The following PTPRA variants were observed in gnomAD, a reference collection of about 807,000 sequenced individuals.
The protein encoded by PTPRA is protein tyrosine phosphatase receptor type A.
Under a neutral mutation model 104.8 loss-of-function variants are expected in PTPRA, and 25 were observed. That is an observed-to-expected ratio of 0.24 (90% CI 0.17 to 0.33). The LOEUF is 0.33. Ranked by LOEUF, PTPRA falls within the 10% of genes least tolerant of loss-of-function variation. PTPRA has a pLI of 1.00. For synonymous variants in PTPRA, 323 were observed against 368.9 expected, an observed-to-expected ratio of 0.88 and a Z score of 1.43; for missense variants, 765 against 1,015.3, an observed-to-expected ratio of 0.75 and a Z score of 3.35.
chr20:2,917,862 G>A (rs959971617), intron 1 of PTPRA, among the ~76,000 whole-genome samples: 1 of 151,784 alleles, frequency 6.6e-6, no homozygotes, highest in Non-Finnish European at 1.5e-5. Context: ...AGACCGAGGC[G>A]GGTGGATCTC....
intron 5 of PTPRA, among the ~76,000 whole-genome samples, chr20:2,972,199 C>A (rs1159302242): frequency 6.6e-6 from 1 of 152,010 alleles, no homozygotes; most frequent in African/African-American, 2.4e-5. Context: ...CTTAATTTTT[C>A]TTTTCTGTTG....
At chr20:2,951,256 C>A (rs1478105621) in intron 3 of PTPRA, among the ~76,000 whole-genome samples, 1 of 152,118 alleles carries the variant, frequency 6.6e-6, no homozygotes, top group Non-Finnish European at 1.5e-5. Flanking sequence ...TGCCCGCCAC[C>A]ACGCCCAGCT....
intron 1 of PTPRA, among the ~76,000 whole-genome samples, chr20:2,907,812 GT>G (rs918416952): frequency 3.1e-4 from 46 of 147,346 alleles, no homozygotes; most frequent in African/African-American, 9.5e-4. Flanking sequence ...AATTGCCTTG[GT>G]TTTTTTTTTA....
chr20:2,908,965 G>A (rs975987244), intron 1 of PTPRA, among the ~76,000 whole-genome samples: 34 of 152,134 alleles, frequency 2.2e-4, no homozygotes, highest in Non-Finnish European at 4.6e-4. Flanking sequence ...TTATAACTTT[G>A]TGACTGTGAT....
At chr20:2,998,214 G>A (rs941542573) in intron 9 of PTPRA, among the ~76,000 whole-genome samples, 17 of 150,800 alleles carry the variant, frequency 1.1e-4, no homozygotes, top group African/African-American at 2.9e-4. Context: ...CTCCTGAGAG[G>A]AATGGGATAG....
At chr20:3,013,745 T>TAAA (rs1182950755) in intron 11 of PTPRA, among the ~76,000 whole-genome samples, 1 of 152,112 alleles carries the variant, frequency 6.6e-6, no homozygotes, top group Non-Finnish European at 1.5e-5. Flanking sequence ...TGTTTCTTTT[T>TAAA]AGAGGTAGGA....
In PTPRA at chr20:2,967,025, GTCTT is replaced by G. The variant is rs1268594626; in HGVS notation, c.415+1826_415+1829del. 2.0e-5 allele frequency among the ~76,000 whole-genome samples: 3 copies of G among 152,170 alleles called. No homozygotes were observed. In the South Asian group the frequency reaches 6.2e-4, roughly 32 times the overall value. On this transcript the variant is annotated intron_variant, in intron 5 of 23. Coordinates refer to ENST00000399903, the MANE Select transcript of PTPRA (RefSeq NM_001385305.1). ...AACAGCCCATGTTCTATTGTGTACT[GTCTT>G]TCATTTAACAGTTCTGTGACATGAC...
At chr20:2,957,601 G>A (rs114760691) in intron 3 of PTPRA, among the ~76,000 whole-genome samples, 2 of 152,152 alleles carry the variant, frequency 1.3e-5, no homozygotes, top group Admixed American at 6.5e-5. Context: ...TTAAAAACTG[G>A]TATGAAAGGG....
chr20:2,903,558 T>C (rs6138939), intron 1 of PTPRA, among the ~76,000 whole-genome samples: 6,467 of 152,134 alleles, frequency 0.043, 319 homozygotes, highest in Admixed American at 0.11. Context: ...GCGGTGGTTA[T>C]ATGCCTGTAG....
intron 20 of PTPRA, among the ~76,000 whole-genome samples, chr20:3,030,877 G>A (rs920659829): frequency 4.6e-5 from 7 of 151,720 alleles, no homozygotes; most frequent in South Asian, 2.1e-4. Context: ...ACAGGGTTTC[G>A]TCATGTTGGC....
chr20:2,936,818 C>T (rs974085672), intron 2 of PTPRA, among the ~76,000 whole-genome samples: 7 of 151,998 alleles, frequency 4.6e-5, no homozygotes, highest in African/African-American at 7.2e-5. Context: ...AATTTCTTTT[C>T]GTTGGTATGT....
intron 20 of PTPRA, among the ~76,000 whole-genome samples, chr20:3,031,673 A>T (rs147021120): frequency 6.6e-6 from 1 of 152,036 alleles, no homozygotes; most frequent in East Asian, 1.9e-4. Context: ...ATTCTCTTTT[A>T]TTCCAGTCAT....
intron 3 of PTPRA, among the ~76,000 whole-genome samples, chr20:2,949,422 T>A (rs1216545614): frequency 6.6e-6 from 1 of 151,978 alleles, no homozygotes; most frequent in African/African-American, 2.4e-5. Flanking sequence ...CAAGTATTAG[T>A]CTCCTTTCTA....
At chr20:3,030,951 A>T (rs957221769) in intron 20 of PTPRA, among the ~76,000 whole-genome samples, 3 of 152,054 alleles carry the variant, frequency 2.0e-5, no homozygotes, top group Non-Finnish European at 2.9e-5. Context: ...GAGTGCTAAG[A>T]TTACAGGCAT....
intron 3 of PTPRA, among the ~76,000 whole-genome samples, chr20:2,961,544 T>C (rs1275321304): frequency 2.0e-5 from 3 of 152,244 alleles, no homozygotes; most frequent in Non-Finnish European, 4.4e-5. Context: ...TTTGCAAATA[T>C]TTTCTCCTAG....
intron 10 of PTPRA, among the ~76,000 whole-genome samples, chr20:3,005,370 G>A (rs2063815511): frequency 1.3e-5 from 2 of 152,038 alleles, no homozygotes; most frequent in South Asian, 2.1e-4. Flanking sequence ...GCAATATAGT[G>A]AGACCTCATC....
chr20:2,867,836 T>C, the PTPRA span, among the ~76,000 whole-genome samples: 1 of 152,236 alleles, frequency 6.6e-6, no homozygotes, highest in Non-Finnish European at 1.5e-5. Context: ...AGAAGGTATT[T>C]CTTTTTTTCC....
intron 5 of PTPRA, among the ~76,000 whole-genome samples, chr20:2,968,408 A>G (rs1024451335): frequency 6.6e-6 from 1 of 151,690 alleles, no homozygotes; most frequent in African/African-American, 2.4e-5. Context: ...TTCGTTCATT[A>G]TTATGGATAC....
chr20:2,905,309 C>T (rs1469930689), intron 1 of PTPRA, among the ~76,000 whole-genome samples: 1 of 152,150 alleles, frequency 6.6e-6, no homozygotes. Flanking sequence ...AATCAAATTA[C>T]AGAAATAACC....
Sources: allele counts gnomAD v4.1 joint callset (sites outside exome capture counted in the v4.1 genomes callset), GRCh38; gene constraint gnomAD v4.1.1; transcripts MANE v1.5; gene names NCBI Gene and HGNC (gene_info 2026-07-23, HGNC 2026-07-21).